Variants in SLC9A2 observed in about 807,000 individuals in gnomAD.
SLC9A2 encodes sodium/hydrogen exchanger 2.
In SLC9A2, 42 loss-of-function variants were observed where a neutral mutation model predicts 71.7. The observed-to-expected ratio is 0.59, with a 90% CI of 0.46 to 0.76. The LOEUF (loss-of-function observed/expected upper bound fraction) is 0.76, where lower values mean the gene tolerates loss of function less well. Among genes scored for constraint, SLC9A2 ranks in the 30% least tolerant of loss-of-function variants. The probability of loss-of-function intolerance (pLI) is 0.00; values close to 1 mark genes in which losing one functional copy is unlikely to be tolerated. For missense variants in SLC9A2, 829 were observed against 1,017.4 expected, an observed-to-expected ratio of 0.81 and a Z score of 2.52; for synonymous variants, 396 against 392.5, an observed-to-expected ratio of 1.01 and a Z score of -0.10.
At position 102,708,930 on chromosome 2, in the gene SLC9A2, G is replaced by A. The variant is rs1678042731; in HGVS notation, c.*441G>A. Reference sequence around the variant, plus strand: ...TCGAGAACAGCTTTCTTTCCCAGGGGTGAAGGATGGCGCTCGGGGGTGACT... The same window carrying A: ...TCGAGAACAGCTTTCTTTCCCAGGGATGAAGGATGGCGCTCGGGGGTGACT... On this transcript the variant is annotated 3_prime_UTR_variant, in exon 12 of 12. Transcript: ENST00000233969. The A allele has an allele frequency of 6.0e-6, 1 of 166,772 alleles. No homozygotes were observed. Among genetic ancestry groups the A allele is most frequent in the African/African-American group, 2.4e-5 (1 of 41,524 alleles). 10.3% of individuals were successfully genotyped at this position (166,772 alleles called of 1,614,324 possible).
At chr2:102,705,713 C>T in intron 10 of SLC9A2, 133 bp from the exon 11 acceptor site, 1 of 536,806 alleles carries the variant, frequency 1.9e-6, no homozygotes. Context: ...TATAGCCCCT[C>T]ACAAAGTAAT....
intron 3 of SLC9A2, among the ~76,000 whole-genome samples, chr2:102,669,682 G>C (rs1028094671): frequency 3.3e-5 from 5 of 152,210 alleles, no homozygotes; most frequent in African/African-American, 1.2e-4. Flanking sequence ...AAAATGCTCA[G>C]AGTCAAAGCA....
intron 3 of SLC9A2, among the ~76,000 whole-genome samples, chr2:102,666,220 G>C (rs533818765): frequency 7.1e-6 from 1 of 140,444 alleles, no homozygotes; most frequent in East Asian, 2.2e-4. Context: ...TTTTGAGGCG[G>C]AGTCTCGCTC....
At chr2:102,703,993 T>C (rs915115935) in intron 9 of SLC9A2, among the ~76,000 whole-genome samples, 1 of 152,198 alleles carries the variant, frequency 6.6e-6, no homozygotes, top group Non-Finnish European at 1.5e-5. Flanking sequence ...TAATTCCTAT[T>C]CAAAACAGAC....
At chr2:102,664,972 G>T (rs1021665048) in intron 2 of SLC9A2, 128 bp from the exon 3 acceptor site, 1 of 971,382 alleles carries the variant, frequency 1.0e-6, no homozygotes, top group African/African-American at 1.6e-5. Context: ...CACAATGATT[G>T]TCATTTTCCT....
chr2:102,620,287 A>T, intron 1 of SLC9A2, 150 bp downstream of exon 1: 1 of 642,874 alleles, frequency 1.6e-6, no homozygotes, highest in Non-Finnish European at 2.5e-6. Context: ...CTTCTGGTTG[A>T]AAAGGACCCT....
At chr2:102,676,519 A>G (rs1196322447) in intron 3 of SLC9A2, among the ~76,000 whole-genome samples, 3 of 152,356 alleles carry the variant, frequency 2.0e-5, no homozygotes, top group South Asian at 2.1e-4. Flanking sequence ...TGATTAATCC[A>G]GGATTTTTGA....
chr2:102,619,815 C>T lies in SLC9A2; in HGVS notation c.-34C>T. The T allele has an allele frequency of 6.9e-7, 1 of 1,459,408 alleles. No homozygotes were observed. Among genetic ancestry groups the T allele is most frequent in the Non-Finnish European group, 9.0e-7 (1 of 1,108,072 alleles). The allele number at this position is 1,459,408 out of a possible 1,614,324, so 90.4% of individuals were successfully genotyped here. A position where few individuals can be genotyped will look rare whatever the true frequency, so the allele number is the denominator to read the frequency against. On this transcript the variant is annotated 5_prime_UTR_variant, in exon 1 of 12. Transcript: ENST00000233969. This position sits in a 1 kb window ranked among gnomAD's most constrained non-coding sequence, Gnocchi z 4.3. ...ATGCGTTGAGCGCTCGGAGGGCCAA[C>T]CGCCGGTCCCCTTGGCGGCAACCGG...
intron 1 of SLC9A2, among the ~76,000 whole-genome samples, chr2:102,641,288 A>G (rs1297767416): frequency 6.6e-6 from 1 of 152,088 alleles, no homozygotes; most frequent in East Asian, 1.9e-4. Context: ...AAACGTCTCA[A>G]ATGAAAAGCA....
intron 7 of SLC9A2, among the ~76,000 whole-genome samples, chr2:102,697,690 G>A (rs1677794163): frequency 6.8e-6 from 1 of 146,940 alleles, no homozygotes; most frequent in Non-Finnish European, 1.5e-5. Context: ...TGGGTGCGGG[G>A]GGATGTGGTG....
intron 1 of SLC9A2, among the ~76,000 whole-genome samples, chr2:102,653,406 C>T (rs1255867818): frequency 6.6e-6 from 1 of 152,222 alleles, no homozygotes; most frequent in East Asian, 1.9e-4. Flanking sequence ...TCCTCTGCCT[C>T]ACTTCCTCCA....
intron 3 of SLC9A2, among the ~76,000 whole-genome samples, 156 bp downstream of exon 3, chr2:102,665,506 G>C (rs1677117325): frequency 6.6e-6 from 1 of 151,994 alleles, no homozygotes; most frequent in Non-Finnish European, 1.5e-5. Flanking sequence ...CGGGCACAGT[G>C]GCTCACGCCT....
chr2:102,631,997 T>TAG (rs1676365321), intron 1 of SLC9A2, among the ~76,000 whole-genome samples: 1 of 21,728 alleles, frequency 4.6e-5, no homozygotes, highest in East Asian at 7.0e-3. Context: ...AAAGTGGGGA[T>TAG]ATATATATAT....
At chr2:102,622,173 G>T (rs1573392873) in intron 1 of SLC9A2, among the ~76,000 whole-genome samples, 1 of 152,290 alleles carries the variant, frequency 6.6e-6, no homozygotes, top group East Asian at 1.9e-4. Flanking sequence ...ACACATGTTT[G>T]TAAATTGCCT....
At chr2:102,664,522 G>GGTGTGTCT (rs1677100106) in intron 2 of SLC9A2, among the ~76,000 whole-genome samples, 2 of 150,226 alleles carry the variant, frequency 1.3e-5, no homozygotes, top group African/African-American at 2.5e-5. Context: ...AATTCCTTTG[G>GGTGTGTCT]GTGTGTCTCA....
chr2:102,651,452 G>A (rs1253070718), intron 1 of SLC9A2, among the ~76,000 whole-genome samples: 1 of 152,108 alleles, frequency 6.6e-6, no homozygotes, highest in Non-Finnish European at 1.5e-5. Context: ...CCAACTCAGG[G>A]CTTGTCCCCT....
chr2:102,639,564 A>T (rs753848878), intron 1 of SLC9A2, among the ~76,000 whole-genome samples: 18 of 152,230 alleles, frequency 1.2e-4, no homozygotes, highest in Non-Finnish European at 2.4e-4. Flanking sequence ...GTGCTTATGC[A>T]GTCACAGCAA....
At chr2:102,637,542 G>A (rs565118714) in intron 1 of SLC9A2, among the ~76,000 whole-genome samples, 4 of 152,230 alleles carry the variant, frequency 2.6e-5, no homozygotes, top group African/African-American at 7.2e-5. Flanking sequence ...CAAATCCTGC[G>A]CCCAACCCTG....
intron 1 of SLC9A2, among the ~76,000 whole-genome samples, chr2:102,625,766 T>A (rs1676235457): frequency 6.6e-6 from 1 of 152,186 alleles, no homozygotes; most frequent in Non-Finnish European, 1.5e-5. Flanking sequence ...TTGTGAGTAG[T>A]GCTGCAATAA....
Sources: gnomAD v4.1 joint callset for allele counts (sites outside exome capture counted in the v4.1 genomes callset) on GRCh38, gnomAD v4.1.1 for gene constraint, Gnocchi (gnomAD v3.1) non-coding constraint, MANE v1.5 for transcripts, NCBI Gene and HGNC (gene_info 2026-07-23, HGNC 2026-07-21) for gene names.